CCL28: variants seen among roughly 807,000 people sequenced by gnomAD.
CCL28 encodes the protein C-C motif chemokine ligand 28, also known as C-C motif chemokine 28.
A neutral mutation model predicts 7.1 loss-of-function variants in CCL28; 4 were observed. The ratio of observed to expected loss-of-function variants is 0.56; its 90% CI spans 0.28 to 1.29. The LOEUF (loss-of-function observed/expected upper bound fraction) is 1.29. Among genes scored for constraint, CCL28 ranks in the 50% most tolerant of loss-of-function variants. CCL28 has a pLI of 0.11. For missense variants in CCL28, 151 were observed against 163.4 expected (o/e 0.92, Z 0.41); for synonymous variants, 55 against 57.8 (o/e 0.95, Z 0.22).
intron 1 of CCL28, among the ~76,000 whole-genome samples, chr5:43,410,610 C>G (rs1405521593): frequency 6.6e-6 from 1 of 152,206 alleles, no homozygotes; most frequent in Non-Finnish European, 1.5e-5. Context: ...TATGGCAGAG[C>G]CTTCCTCATT....
the CCL28 span, among the ~76,000 whole-genome samples, chr5:43,362,385 G>A: frequency 1.3e-5 from 2 of 151,920 alleles, no homozygotes; most frequent in Admixed American, 1.3e-4. Context: ...GAAGCTTTTG[G>A]GCCAAGACTA....
downstream of CCL28, among the ~76,000 whole-genome samples, chr5:43,375,802 C>T (rs577193095): frequency 9.6e-4 from 146 of 151,920 alleles, 2 homozygotes; most frequent in African/African-American, 3.3e-3. Context: ...AAAAATTAGC[C>T]GGGTGTGGTG....
chr5:43,369,926 A>T, the CCL28 span, among the ~76,000 whole-genome samples: 1 of 152,094 alleles, frequency 6.6e-6, no homozygotes, highest in Non-Finnish European at 1.5e-5. Context: ...AAGTTTGGCT[A>T]CTCTACTAGA....
intron 1 of CCL28, among the ~76,000 whole-genome samples, chr5:43,410,948 C>A (rs913458564): frequency 3.9e-5 from 6 of 152,136 alleles, no homozygotes; most frequent in Non-Finnish European, 7.4e-5. Context: ...CAGGTTTTTT[C>A]TGTTGCTTAT....
the CCL28 span, among the ~76,000 whole-genome samples, chr5:43,364,211 AT>A: frequency 0.6 from 91,541 of 151,836 alleles, 29,764 homozygotes; most frequent in African/African-American, 0.84. Flanking sequence ...AAACATTGTG[AT>A]TTTTTTTTAA....
At chr5:43,375,774 G>C (rs948542682), downstream of CCL28, among the ~76,000 whole-genome samples, 2 of 151,640 alleles carry the variant, frequency 1.3e-5, no homozygotes, top group African/African-American at 4.9e-5. Flanking sequence ...GGCGGACCCC[G>C]TCTCTATCAA....
chr5:43,369,512 C>T, the CCL28 span, among the ~76,000 whole-genome samples: 5 of 152,226 alleles, frequency 3.3e-5, no homozygotes, highest in African/African-American at 1.2e-4. Flanking sequence ...GCAACCTCCG[C>T]CTCCCAGGTT....
At chr5:43,385,384 G>A (rs1482479184) in intron 2 of CCL28, among the ~76,000 whole-genome samples, 3 of 152,156 alleles carry the variant, frequency 2.0e-5, no homozygotes, top group Admixed American at 6.5e-5. Flanking sequence ...TAAGTTTACC[G>A]TACGTTGACT....
rs567178337 is a variant in CCL28, at chr5:43,380,206, C to T, written c.*1654G>A. The stretch of plus-strand genomic sequence containing the variant: ...ATGTAGGCTCCTTGTTTAGGCAGAG[C>T]GTAAAATCACCACACAGAAGGCCGA... On this transcript the variant is annotated 3_prime_UTR_variant, in exon 3 of 3. Transcript: ENST00000361115. 1 of 152,118 alleles carries T rather than the reference C, an allele frequency of 6.6e-6. No individual in the cohort carries two copies. Among genetic ancestry groups the T allele is most frequent in the East Asian group, 1.9e-4 (1 of 5,178 alleles). 9.4% of individuals were successfully genotyped at this position (152,118 alleles called of 1,614,324 possible).
At chr5:43,382,857 C>T (rs907427280) in intron 2 of CCL28, among the ~76,000 whole-genome samples, 9 of 151,658 alleles carry the variant, frequency 5.9e-5, no homozygotes, top group African/African-American at 2.2e-4. Flanking sequence ...TTGCTCTTGT[C>T]ACCCAGGCTG....
At chr5:43,373,834 A>G (rs1739834820), downstream of CCL28, among the ~76,000 whole-genome samples, 1 of 152,120 alleles carries the variant, frequency 6.6e-6, no homozygotes, top group Non-Finnish European at 1.5e-5. Context: ...CTCCTGTCCT[A>G]CCTACTGTGC....
At chr5:43,398,319 C>T (rs1289648131) in intron 1 of CCL28, among the ~76,000 whole-genome samples, 1 of 152,174 alleles carries the variant, frequency 6.6e-6, no homozygotes, top group African/African-American at 2.4e-5. Flanking sequence ...CACCTCCTGG[C>T]GTCAAGTGAT....
the CCL28 span, among the ~76,000 whole-genome samples, chr5:43,371,164 T>C: frequency 2.0e-5 from 3 of 152,340 alleles, no homozygotes; most frequent in East Asian, 5.8e-4. Context: ...ACTACACCTA[T>C]ATCAAGCAAC....
At chr5:43,407,642 T>A (rs924224541) in intron 1 of CCL28, among the ~76,000 whole-genome samples, 2 of 152,118 alleles carry the variant, frequency 1.3e-5, no homozygotes, top group African/African-American at 4.8e-5. Flanking sequence ...AATTGACAAA[T>A]GGGATCTAAT....
intron 1 of CCL28, among the ~76,000 whole-genome samples, chr5:43,405,671 A>G (rs1171113195): frequency 6.6e-6 from 1 of 152,254 alleles, no homozygotes; most frequent in East Asian, 1.9e-4. Flanking sequence ...GGAGATAGAC[A>G]AACAAAAAAC....
chr5:43,365,366 A>G, the CCL28 span, among the ~76,000 whole-genome samples: 499 of 152,232 alleles, frequency 3.3e-3, 2 homozygotes, highest in Non-Finnish European at 4.8e-3. Flanking sequence ...GCCCATTTAC[A>G]TTTAAGGTTA....
At chr5:43,389,729 T>G (rs756066507) in intron 1 of CCL28, among the ~76,000 whole-genome samples, 48 of 152,196 alleles carry the variant, frequency 3.2e-4, no homozygotes, top group Non-Finnish European at 5.7e-4. Flanking sequence ...TGGGCTCAGC[T>G]GGAGATCACT....
intron 1 of CCL28, among the ~76,000 whole-genome samples, chr5:43,398,849 C>CA (rs61430278): frequency 0.53 from 79,821 of 150,506 alleles, 21,828 homozygotes; most frequent in Middle Eastern, 0.67. Context: ...GACTCCATCT[C>CA]AAAAAAAAAG....
chr5:43,382,569 T>C (rs535943827), intron 2 of CCL28, among the ~76,000 whole-genome samples: 1 of 152,320 alleles, frequency 6.6e-6, no homozygotes, highest in Non-Finnish European at 1.5e-5. Flanking sequence ...GGCACTTACT[T>C]TATTCTGTCT....
Sources: allele counts gnomAD v4.1 joint callset (sites outside exome capture counted in the v4.1 genomes callset), GRCh38; gene constraint gnomAD v4.1.1; transcripts MANE v1.5; gene names NCBI Gene and HGNC (gene_info 2026-07-23, HGNC 2026-07-21).